NFKB1: variants seen among roughly 807,000 people sequenced by gnomAD.
The protein encoded by NFKB1 is nuclear factor NF-kappa-B p105 subunit.
NFKB1 carries 9 observed loss-of-function variants against 105.1 expected under a neutral mutation model. That is an observed-to-expected ratio of 0.09 (90% CI 0.05 to 0.15). NFKB1 has a LOEUF of 0.15. NFKB1 is among the 10% of genes least tolerant of loss of function. The pLI is 1.00. For missense variants in NFKB1, 830 were observed against 1,203.7 expected (o/e 0.69, Z 4.59); for synonymous variants, 440 against 442.2 (o/e 1.00, Z 0.06).
chr4:102,615,386 T>C (rs539795385), intron 23 of NFKB1, among the ~76,000 whole-genome samples: 1 of 152,312 alleles, frequency 6.6e-6, no homozygotes, highest in Admixed American at 6.5e-5. Context: ...TCCCATTCCC[T>C]GGAAAGCTCT....
chr4:102,586,099 A>C (rs1725690376), intron 11 of NFKB1, among the ~76,000 whole-genome samples: 1 of 152,194 alleles, frequency 6.6e-6, no homozygotes, highest in African/African-American at 2.4e-5. Context: ...GAGGCAGATG[A>C]TGAGTCAGAA....
intron 11 of NFKB1, among the ~76,000 whole-genome samples, chr4:102,592,949 C>G (rs1044840213): frequency 1.3e-5 from 2 of 152,188 alleles, no homozygotes; most frequent in Non-Finnish European, 1.5e-5. Context: ...GTCTTTCCCC[C>G]ACTATCTTAA....
rs1728932473 is a variant in NFKB1, at chr4:102,616,282, T to A, written c.2750-152T>A. On this transcript the variant is annotated intron_variant, in intron 23 of 23. Transcript: ENST00000226574. ...GTATGTCCCAAGTATCTTCTGCCCT[T>A]CCCACCACGGTGAGCAGTCATGACA... 3 of 769,430 alleles carry A rather than the reference T, an allele frequency of 3.9e-6. No homozygotes were observed. The Admixed American group carries it at 7.1e-5, about 18-fold the overall frequency. The allele number at this position is 769,430 out of a possible 1,614,324, so 47.7% of individuals were successfully genotyped here.
chr4:102,596,583 G>C (rs1282923255), intron 14 of NFKB1, among the ~76,000 whole-genome samples: 1 of 152,102 alleles, frequency 6.6e-6, no homozygotes. Context: ...TAATCATGCA[G>C]TTTTAGGGTA....
At chr4:102,598,662 A>G (rs937419752) in intron 15 of NFKB1, among the ~76,000 whole-genome samples, 2 of 152,252 alleles carry the variant, frequency 1.3e-5, no homozygotes, top group Admixed American at 1.3e-4. Flanking sequence ...TCAGGGTTAA[A>G]TAATCCAGTT....
Position 102,617,147 on chromosome 4 carries a change from A to G in NFKB1, c.*553A>G, listed in dbSNP as rs1729017016. 6.6e-6 allele frequency: 1 copy of G among 151,990 alleles called. No individual in the cohort carries two copies. The highest frequency in any genetic ancestry group is 2.1e-4 in the South Asian group (1 of 4,816). The allele number at this position is 151,990 out of a possible 1,614,324, so 9.4% of individuals were successfully genotyped here. The stretch of plus-strand genomic sequence containing the variant: ...TTGTCAATATTTAAACATGGTTACA[A>G]TCATTGCTGAAAATGGTATTTTCCC... On this transcript the variant is annotated 3_prime_UTR_variant, in exon 24 of 24. Transcript: ENST00000226574.
At chr4:102,550,004 T>G (rs558750962) in intron 5 of NFKB1, among the ~76,000 whole-genome samples, 1 of 152,290 alleles carries the variant, frequency 6.6e-6, no homozygotes, top group South Asian at 2.1e-4. Flanking sequence ...GTTATAAATT[T>G]GTGATTTTTC....
At chr4:102,534,499 G>A (rs979921268) in intron 4 of NFKB1, among the ~76,000 whole-genome samples, 65 of 152,280 alleles carry the variant, frequency 4.3e-4, no homozygotes, top group African/African-American at 1.6e-3. Context: ...GTAGAGAATA[G>A]CTCAGAACTG....
intron 5 of NFKB1, among the ~76,000 whole-genome samples, chr4:102,543,934 G>T (rs758731316): frequency 1.3e-5 from 2 of 152,088 alleles, no homozygotes; most frequent in Non-Finnish European, 2.9e-5. Context: ...TGTTCACTGC[G>T]CAAGTATTTA....
intron 2 of NFKB1, among the ~76,000 whole-genome samples, chr4:102,529,181 A>G (rs1741115518): frequency 6.6e-6 from 1 of 152,142 alleles, no homozygotes; most frequent in Non-Finnish European, 1.5e-5. Context: ...GGATGCAGAC[A>G]TGTTTAGGGG....
At chr4:102,507,458 A>T (rs2168803) in intron 1 of NFKB1, among the ~76,000 whole-genome samples, 94,232 of 151,418 alleles carry the variant, frequency 0.62, 30,327 homozygotes, top group African/African-American at 0.8. Context: ...TTTGTAATTT[A>T]TTTTTTATTT....
chr4:102,592,636 G>A (rs1412935747), intron 11 of NFKB1, among the ~76,000 whole-genome samples: 1 of 152,144 alleles, frequency 6.6e-6, no homozygotes, highest in Non-Finnish European at 1.5e-5. Flanking sequence ...ATTTTTTTGT[G>A]TACTGGGAAA....
intron 5 of NFKB1, among the ~76,000 whole-genome samples, chr4:102,562,729 G>A (rs982090116): frequency 4.6e-5 from 7 of 152,150 alleles, no homozygotes; most frequent in South Asian, 4.1e-4. Context: ...GGTAACAGTC[G>A]GTCTTGAGCC....
At chr4:102,607,003 G>A (rs1578827702) in intron 17 of NFKB1, 147 bp from the exon 18 acceptor site, 6 of 833,804 alleles carry the variant, frequency 7.2e-6, no homozygotes, top group East Asian at 4.8e-5. Context: ...ATAGGAGACT[G>A]TGGGTCTTCA....
intron 6 of NFKB1, among the ~76,000 whole-genome samples, chr4:102,569,448 A>T (rs1378754529): frequency 1.3e-5 from 2 of 152,152 alleles, no homozygotes; most frequent in African/African-American, 4.8e-5. Context: ...TTATGGTATG[A>T]CATTGATTAT....
At chr4:102,609,133 A>G (rs1341193312) in intron 19 of NFKB1, among the ~76,000 whole-genome samples, 1 of 130,848 alleles carries the variant, frequency 7.6e-6, no homozygotes, top group Non-Finnish European at 1.7e-5. Flanking sequence ...AGCCTGAGCT[A>G]TAGAATAAGA....
chr4:102,594,864 G>A (rs1726475503), intron 12 of NFKB1, 28 bp from the exon 13 acceptor site: 1 of 1,498,030 alleles, frequency 6.7e-7, no homozygotes, highest in Non-Finnish European at 9.3e-7. Context: ...TCTTCATGAT[G>A]TTTCATTTGT....
rs1002890940 is a variant in NFKB1 at position 102,617,122 on chromosome 4, T to A, written c.*528T>A. The A allele has an allele frequency of 5.1e-5, 7 of 137,882 alleles. No individual in the cohort carries two copies. Among genetic ancestry groups the A allele is most frequent in the African/African-American group, 5.4e-5 (2 of 37,266 alleles). The allele number at this position is 137,882 out of a possible 1,614,324, so 8.5% of individuals were successfully genotyped here. A position where few individuals can be genotyped will look rare whatever the true frequency, so the allele number is the denominator to read the frequency against. ...GCAAAAAAAAAAAAAAAAAAAATAC[T>A]TGTCAATATTTAAACATGGTTACAA... On this transcript the variant is annotated 3_prime_UTR_variant, in exon 24 of 24. Coordinates refer to ENST00000226574, the MANE Select transcript of NFKB1 (RefSeq NM_003998.4).
At chr4:102,607,118 A>T (rs1420313279) in intron 17 of NFKB1, 32 bp from the exon 18 acceptor site, 1 of 1,613,068 alleles carries the variant, frequency 6.2e-7, no homozygotes, top group South Asian at 1.1e-5. Flanking sequence ...TAGCCATCCC[A>T]TCCTGTGACT....
Sources: allele counts gnomAD v4.1 joint callset (sites outside exome capture counted in the v4.1 genomes callset), GRCh38; gene constraint gnomAD v4.1.1; transcripts MANE v1.5; gene names NCBI Gene and HGNC (gene_info 2026-07-23, HGNC 2026-07-21).